The following IL1RAPL2 variants were observed in gnomAD, a reference collection of about 807,000 sequenced individuals.
IL1RAPL2 encodes the protein interleukin 1 receptor accessory protein like 2, also known as X-linked interleukin-1 receptor accessory protein-like 2.
A neutral mutation model predicts 44.1 loss-of-function variants in IL1RAPL2; 3 were observed. That is an observed-to-expected ratio of 0.07 (90% CI 0.03 to 0.18). The LOEUF (loss-of-function observed/expected upper bound fraction) is 0.18. Ranked by LOEUF, IL1RAPL2 falls within the 10% of genes least tolerant of loss-of-function variation. The probability of loss-of-function intolerance (pLI) is 1.00; values close to 1 mark genes in which losing one functional copy is unlikely to be tolerated. For missense variants in IL1RAPL2, 391 were observed against 496.4 expected, an observed-to-expected ratio of 0.79 and a Z score of 2.02; for synonymous variants, 181 against 178.8, an observed-to-expected ratio of 1.01 and a Z score of -0.10.
intron 2 of IL1RAPL2, among the ~76,000 whole-genome samples, chrX:104,812,876 T>A (rs935861786): frequency 1.8e-5 from 2 of 110,060 alleles, no homozygotes; most frequent in African/African-American, 6.6e-5. Context: ...TTTTGGACTG[T>A]AGAGTAAAAG....
At chrX:105,361,727 G>C (rs768376874) in intron 5 of IL1RAPL2, among the ~76,000 whole-genome samples, 1 of 111,140 alleles carries the variant, frequency 9.0e-6, no homozygotes, top group Non-Finnish European at 1.9e-5. Context: ...CATGAGGATG[G>C]GATAAACCTC....
intron 2 of IL1RAPL2, among the ~76,000 whole-genome samples, chrX:104,695,336 G>GGA (rs996263405): frequency 9.3e-6 from 1 of 107,489 alleles, no homozygotes; most frequent in Non-Finnish European, 2.0e-5. Flanking sequence ...TGGGGCAGCA[G>GGA]GAGAGAGAGA....
intron 6 of IL1RAPL2, among the ~76,000 whole-genome samples, chrX:105,572,269 G>C (rs781027354): frequency 9.0e-6 from 1 of 111,728 alleles, no homozygotes; most frequent in African/African-American, 3.2e-5. Context: ...GAAAAGAAAA[G>C]GTCTGCAAGA....
intron 1 of IL1RAPL2, among the ~76,000 whole-genome samples, chrX:104,638,208 T>A (rs999878028): frequency 9.0e-6 from 1 of 110,908 alleles, no homozygotes; most frequent in African/African-American, 3.3e-5. Context: ...TCAGTTGAAA[T>A]GTTTTTTTTT....
chrX:105,459,826 A>G (rs1047201768), intron 5 of IL1RAPL2, among the ~76,000 whole-genome samples: 1 of 111,622 alleles, frequency 9.0e-6, no homozygotes, highest in South Asian at 3.7e-4. Flanking sequence ...TGGGATCATT[A>G]TCCAAACCAA....
At chrX:105,340,750 C>T (rs962319311) in intron 5 of IL1RAPL2, among the ~76,000 whole-genome samples, 20 of 112,346 alleles carry the variant, frequency 1.8e-4, no homozygotes, top group African/African-American at 4.8e-4. Context: ...CCCCACTCCA[C>T]TCCCACCTCC....
At chrX:105,037,535 A>T (rs1294043026) in intron 2 of IL1RAPL2, among the ~76,000 whole-genome samples, 1 of 110,837 alleles carries the variant, frequency 9.0e-6, no homozygotes, top group African/African-American at 3.3e-5. Context: ...CCAGGCTTCA[A>T]ATTATTACCT....
rs971924017 is a variant in IL1RAPL2, at chrX:104,914,655, T to G, written c.82+255660T>G. ...TATGTATACATGTGCCATGCTGGTG[T>G]GCTGCACCCATTAAGTCGTCATTTA... On this transcript the variant is annotated intron_variant, in intron 2 of 10. Coordinates refer to ENST00000372582, the MANE Select transcript of IL1RAPL2 (RefSeq NM_017416.2). 3.6e-5 allele frequency among the ~76,000 whole-genome samples: 4 copies of G among 110,754 alleles called. No homozygotes were observed. In the East Asian group the frequency reaches 1.1e-3, roughly 31 times the overall value.
intron 2 of IL1RAPL2, among the ~76,000 whole-genome samples, chrX:105,056,711 A>G (rs1481341923): frequency 8.9e-6 from 1 of 111,925 alleles, no homozygotes; most frequent in Admixed American, 9.5e-5. Context: ...GAGAAATTAA[A>G]CTTCTTTCAT....
chrX:105,708,763 C>T (rs1443886431), intron 6 of IL1RAPL2, among the ~76,000 whole-genome samples: 1 of 111,706 alleles, frequency 9.0e-6, no homozygotes, highest in Admixed American at 9.5e-5. Context: ...AAAATAACAA[C>T]TTTAAATATG....
intron 2 of IL1RAPL2, among the ~76,000 whole-genome samples, chrX:104,759,116 T>A (rs191829176): frequency 2.9e-3 from 322 of 112,472 alleles, no homozygotes; most frequent in African/African-American, 0.01. Flanking sequence ...CGGCCCACAC[T>A]TATATATGAA....
chrX:105,419,492 G>A (rs916301991), intron 5 of IL1RAPL2, among the ~76,000 whole-genome samples: 3 of 111,736 alleles, frequency 2.7e-5, no homozygotes, highest in African/African-American at 6.5e-5. Context: ...TTCAAAGCAC[G>A]AATTCTACTG....
intron 2 of IL1RAPL2, among the ~76,000 whole-genome samples, chrX:105,039,526 T>A (rs1054486042): frequency 1.3e-4 from 15 of 111,933 alleles, no homozygotes; most frequent in African/African-American, 4.9e-4. Context: ...TATTCCTTGA[T>A]CTTTTAAAGA....
chrX:105,355,865 G>A (rs1358837352), intron 5 of IL1RAPL2, among the ~76,000 whole-genome samples: 1 of 110,314 alleles, frequency 9.1e-6, no homozygotes, highest in Admixed American at 9.8e-5. Flanking sequence ...ACAGGGTCGC[G>A]GGTAAGAATT....
intron 3 of IL1RAPL2, among the ~76,000 whole-genome samples, chrX:105,230,518 TTA>T (rs1485836440): frequency 9.2e-6 from 1 of 108,182 alleles, no homozygotes; most frequent in Non-Finnish European, 1.9e-5. Flanking sequence ...TATATAATTA[TTA>T]TATATATCTT....
rs1302354675 is a variant in IL1RAPL2, at chrX:105,262,886, A to AT, written c.544-4491dup. On this transcript the variant is annotated intron_variant, in intron 4 of 10. Transcript: ENST00000372582. ...TGCAGACAGTTCAGTTTCCCTAAAG[A>AT]TTTTTTTTTTTCTTTTGAGATGGAG... Among the ~76,000 whole-genome samples, 302 of 105,181 alleles carry AT rather than the reference A, an allele frequency of 2.9e-3. 3 individuals carry two copies. The highest frequency in any genetic ancestry group is 0.024 in the Admixed American group (228 of 9,675). The allele number at this position is 105,181 out of a possible 115,157, so 91.3% of individuals were successfully genotyped here.
At position 105,623,007 on chromosome X, in the gene IL1RAPL2, T is replaced by G. The variant is rs400761; in HGVS notation, c.773-94360T>G. The stretch of plus-strand genomic sequence containing the variant: ...TAGTTCAAGTACTGGTTGCTTATGA[T>G]GTGACCTGTAAAATGGGGGAAGTTA... On this transcript the variant is annotated intron_variant, in intron 6 of 10. Transcript: ENST00000372582. 8.7e-3 allele frequency among the ~76,000 whole-genome samples: 970 copies of G among 111,237 alleles called. 11 individuals are homozygous for G. The highest frequency in any genetic ancestry group is 0.083 in the South Asian group (220 of 2,664).
intron 2 of IL1RAPL2, among the ~76,000 whole-genome samples, chrX:104,909,051 T>C (rs2147681297): frequency 1.8e-5 from 2 of 110,958 alleles, no homozygotes; most frequent in African/African-American, 6.5e-5. Flanking sequence ...TTCTTTTTAT[T>C]CTTTTTTCTC....
chrX:105,555,846 T>C (rs946968143), intron 6 of IL1RAPL2, among the ~76,000 whole-genome samples: 1 of 111,877 alleles, frequency 8.9e-6, no homozygotes, highest in Non-Finnish European at 1.9e-5. Context: ...TGAAAGATTA[T>C]TGGGAGTTTC....
Sources: allele counts gnomAD v4.1 joint callset (sites outside exome capture counted in the v4.1 genomes callset), GRCh38; gene constraint gnomAD v4.1.1; transcripts MANE v1.5; gene names NCBI Gene and HGNC (gene_info 2026-07-23, HGNC 2026-07-21).